ZNF608: variants seen among roughly 807,000 people sequenced by gnomAD.
ZNF608 encodes the protein zinc finger protein 608, also known as renal carcinoma antigen NY-REN-36.
Under a neutral mutation model 109.0 loss-of-function variants are expected in ZNF608, and 12 were observed. The observed-to-expected ratio is 0.11, with a 90% CI of 0.07 to 0.18. ZNF608 has a LOEUF of 0.18. Among genes scored for constraint, ZNF608 ranks in the 10% least tolerant of loss-of-function variants. ZNF608 has a pLI of 1.00. For synonymous variants in ZNF608, 732 were observed against 717.4 expected, an observed-to-expected ratio of 1.02 and a Z score of -0.33; for missense variants, 1,707 against 1,879.3, an observed-to-expected ratio of 0.91 and a Z score of 1.70.
At chr5:124,672,143 ACTCT>A (rs1490153581) in intron 3 of ZNF608, among the ~76,000 whole-genome samples, 1 of 151,904 alleles carries the variant, frequency 6.6e-6, no homozygotes, top group African/African-American at 2.4e-5. Context: ...ACTTGATTTA[ACTCT>A]CTCTCAGCCA....
At chr5:124,743,183 T>C (rs1749489835) in intron 2 of ZNF608, among the ~76,000 whole-genome samples, 1 of 152,206 alleles carries the variant, frequency 6.6e-6, no homozygotes, top group East Asian at 1.9e-4. Flanking sequence ...AGGGTCCAAA[T>C]GGTCTAAATC....
At chr5:124,716,525 T>C (rs760308561) in intron 2 of ZNF608, among the ~76,000 whole-genome samples, 1 of 152,238 alleles carries the variant, frequency 6.6e-6, no homozygotes, top group South Asian at 2.1e-4. Flanking sequence ...TCTTAGGAAG[T>C]TGGGAAATAA....
rs764607789 is a variant in ZNF608 at position 124,648,868 on chromosome 5, T to C, written c.1516A>G (p.Met506Val). The C allele has an allele frequency of 7.4e-6, 12 of 1,613,914 alleles. No individual in the cohort carries two copies. The highest frequency in any genetic ancestry group is 4.4e-5 in the South Asian group (4 of 91,068). The change falls in exon 5 of 10, where the codon ATG (methionine) becomes GTG (valine). Residue 506 changes from methionine to valine, a missense_variant. By Grantham distance (21) the Met-to-Val change is conservative. Transcript: ENST00000513986. ...STNKRKNKPP[M>V]ELDLNSSSED... The stretch of plus-strand genomic sequence containing the variant: ...GAGCTGGAGTTCAGGTCCAGCTCCA[T>C]TGGAGGCTTGTTTTTCCTTTTGTTG...
chr5:124,647,330 T>C lies in ZNF608; in HGVS notation c.3054A>G (p.Ala1018=). ...YMHPGQVGAP[A]AGNSGSTQGM... is the part of the protein sequence containing the mutation. Reference sequence around the variant, plus strand: ...CCTGCGTGCTCCCACTATTTCCAGCTGCAGGGGCACCGACCTGCCCAGGGT... The same window carrying C: ...CCTGCGTGCTCCCACTATTTCCAGCCGCAGGGGCACCGACCTGCCCAGGGT... The change falls in exon 5 of 10, where the codon GCA becomes GCG. Residue 1018 remains alanine (A), a synonymous_variant. Transcript: ENST00000513986. 1 of 1,614,220 alleles carries C rather than the reference T, an allele frequency of 6.2e-7. No individual in the cohort carries two copies. Among genetic ancestry groups the C allele is most frequent in the Non-Finnish European group, 8.5e-7 (1 of 1,180,032 alleles).
intron 3 of ZNF608, among the ~76,000 whole-genome samples, chr5:124,696,487 C>T (rs1271631635): frequency 1.3e-5 from 2 of 152,120 alleles, no homozygotes; most frequent in African/African-American, 4.8e-5. Context: ...GGTTCTGAGT[C>T]ATCTAAAAAA....
chr5:124,688,879 G>C (rs1752500110), intron 3 of ZNF608, among the ~76,000 whole-genome samples: 2 of 152,260 alleles, frequency 1.3e-5, no homozygotes, highest in Admixed American at 1.3e-4. Context: ...TTAATGTTAA[G>C]ATTAAAAGAA....
At chr5:124,738,525 G>C (rs917304238) in intron 2 of ZNF608, among the ~76,000 whole-genome samples, 1 of 149,166 alleles carries the variant, frequency 6.7e-6, no homozygotes, top group African/African-American at 2.5e-5. Context: ...ACATGATCCT[G>C]CCACCTCTTC....
intron 2 of ZNF608, among the ~76,000 whole-genome samples, chr5:124,731,527 A>G (rs1231877912): frequency 6.6e-6 from 1 of 152,018 alleles, no homozygotes; most frequent in African/African-American, 2.4e-5. Flanking sequence ...CACAAGATTT[A>G]AAAGTTTGGA....
chr5:124,653,354 T>G (rs1750872603), intron 3 of ZNF608, among the ~76,000 whole-genome samples: 1 of 152,228 alleles, frequency 6.6e-6, no homozygotes. Flanking sequence ...TGTTCTGTTA[T>G]GTCCTTTGTA....
chr5:124,670,571 G>A (rs758051072), intron 3 of ZNF608, among the ~76,000 whole-genome samples: 7 of 152,022 alleles, frequency 4.6e-5, no homozygotes, highest in Admixed American at 1.3e-4. Flanking sequence ...TATGTATGAC[G>A]GTGAGTGTGC....
Position 124,681,790 on chromosome 5 carries a change from G to C in ZNF608, c.1162+19224C>G, listed in dbSNP as rs565478542. On this transcript the variant is annotated intron_variant, in intron 3 of 9. Transcript: ENST00000513986. ...TAAAGGATGGCATTGACATATGTCA[G>C]AATACTGGAAACAAAGAAAAGATGA... 3.3e-5 allele frequency among the ~76,000 whole-genome samples: 5 copies of C among 152,320 alleles called. No homozygotes were observed. In the South Asian group the frequency reaches 1.0e-3, roughly 32 times the overall value.
intron 3 of ZNF608, among the ~76,000 whole-genome samples, chr5:124,677,336 G>T (rs66494365): frequency 0.14 from 20,993 of 152,190 alleles, 1,558 homozygotes; most frequent in Middle Eastern, 0.22. Flanking sequence ...AATGAAAACA[G>T]TTTTTCCCTG....
chr5:124,745,487 T>C (rs1490706091), intron 1 of ZNF608: 2 of 153,134 alleles, frequency 1.3e-5, no homozygotes, highest in African/African-American at 4.8e-5. Flanking sequence ...GTGTTCTTTT[T>C]TAAAGTTTAG....
intron 3 of ZNF608, among the ~76,000 whole-genome samples, chr5:124,657,160 G>T (rs956927883): frequency 6.6e-5 from 10 of 152,150 alleles, no homozygotes; most frequent in Non-Finnish European, 1.2e-4. Context: ...ACAATGGCCT[G>T]TTAAGGAGTC....
chr5:124,672,421 C>T (rs1751767221), intron 3 of ZNF608, among the ~76,000 whole-genome samples: 1 of 152,216 alleles, frequency 6.6e-6, no homozygotes, highest in Non-Finnish European at 1.5e-5. Context: ...ACTAATCTAA[C>T]TATGCCCTCA....
chr5:124,644,437 C>G lies in ZNF608; in HGVS notation c.3930G>C (p.Lys1310Asn). The G allele has an allele frequency of 3.7e-6, 6 of 1,614,150 alleles. No individual in the cohort carries two copies. Among genetic ancestry groups the G allele is most frequent in the Non-Finnish European group, 5.1e-6 (6 of 1,180,040 alleles). Residue 1310 changes from lysine (K) to asparagine (N), a missense_variant, in exon 6 of 10, where the codon AAG becomes AAC. This residue lies in a region of ZNF608 where 1,073 missense variants were observed against 1,133.5 expected (regional missense o/e 0.95). Coordinates refer to ENST00000513986, the MANE Select transcript of ZNF608 (RefSeq NM_020747.3). The part of the protein sequence containing the change: ...HPDSQSMEES[K>N]LKNDDRKTPV... ...GAGTCTTTCGATCATCATTTTTCAGCTTGCTCTCCTCCATTGATTGAGAAT... is the reference window on the plus strand; with the variant it reads ...GAGTCTTTCGATCATCATTTTTCAGGTTGCTCTCCTCCATTGATTGAGAAT...
At chr5:124,655,416 TCAGA>T (rs1234812557) in intron 3 of ZNF608, among the ~76,000 whole-genome samples, 2 of 152,186 alleles carry the variant, frequency 1.3e-5, no homozygotes, top group Non-Finnish European at 2.9e-5. Flanking sequence ...GAGTTTGGAA[TCAGA>T]CAGAAGTTTT....
chr5:124,687,617 A>C (rs2149833330), intron 3 of ZNF608, among the ~76,000 whole-genome samples: 1 of 152,288 alleles, frequency 6.6e-6, no homozygotes, highest in African/African-American at 2.4e-5. Flanking sequence ...GTTATGTCAG[A>C]CTTCGCTAGA....
chr5:124,649,768 T>C, intron 3 of ZNF608, 71 bp from the exon 4 acceptor site: 1 of 943,138 alleles, frequency 1.1e-6, no homozygotes, highest in Non-Finnish European at 1.5e-6. Context: ...TCACTTATTA[T>C]TTTTTTCTCT....
Sources: allele counts gnomAD v4.1 joint callset (sites outside exome capture counted in the v4.1 genomes callset), GRCh38; gene constraint gnomAD v4.1.1; regional missense constraint gnomAD v4.1.1; transcripts MANE v1.5; gene names NCBI Gene and HGNC (gene_info 2026-07-23, HGNC 2026-07-21).